TTC28: variants seen among roughly 807,000 people sequenced by gnomAD.
TTC28 encodes tetratricopeptide repeat protein 28.
Under a neutral mutation model 198.0 loss-of-function variants are expected in TTC28, and 61 were observed. That is an observed-to-expected ratio of 0.31 (90% CI 0.25 to 0.38). The LOEUF is 0.38. TTC28 is among the 10% of genes least tolerant of loss of function. The probability of loss-of-function intolerance (pLI) is 1.00; values close to 1 mark genes in which losing one functional copy is unlikely to be tolerated. For synonymous variants in TTC28, 1,171 were observed against 1,297.8 expected (o/e 0.90, Z 2.10); for missense variants, 2,678 against 3,164.0 (o/e 0.85, Z 3.69).
intron 2 of TTC28, among the ~76,000 whole-genome samples, chr22:28,464,988 T>G (rs1005798563): frequency 6.6e-6 from 1 of 152,224 alleles, no homozygotes; most frequent in Non-Finnish European, 1.5e-5. Flanking sequence ...ATGCTTTCCA[T>G]TTTTATAGAC....
chr22:28,464,006 T>C (rs1466403411), intron 2 of TTC28, among the ~76,000 whole-genome samples: 1 of 152,146 alleles, frequency 6.6e-6, no homozygotes, highest in African/African-American at 2.4e-5. Context: ...TTAATATACA[T>C]GATCTCACGA....
intron 13 of TTC28, among the ~76,000 whole-genome samples, chr22:28,014,841 G>A (rs1036088791): frequency 4.6e-5 from 7 of 152,186 alleles, no homozygotes; most frequent in Non-Finnish European, 1.0e-4. Flanking sequence ...CTTGGGCTCA[G>A]AGCAACTGCT....
At chr22:28,390,600 G>T (rs58528288) in intron 2 of TTC28, among the ~76,000 whole-genome samples, 1 of 152,158 alleles carries the variant, frequency 6.6e-6, no homozygotes, top group African/African-American at 2.4e-5. Flanking sequence ...TTATGTAATG[G>T]CCTTCTTTGT....
At chr22:28,367,357 T>C (rs933673386) in intron 2 of TTC28, among the ~76,000 whole-genome samples, 4 of 151,804 alleles carry the variant, frequency 2.6e-5, no homozygotes, top group African/African-American at 9.7e-5. Flanking sequence ...AATGAAGAAA[T>C]GAAGAAGGAA....
chr22:28,437,630 T>A (rs1251429303), intron 2 of TTC28, among the ~76,000 whole-genome samples: 1 of 152,072 alleles, frequency 6.6e-6, no homozygotes, highest in African/African-American at 2.4e-5. Context: ...TATTGCTCTG[T>A]CACTCAGGCT....
At chr22:28,377,200 TAA>T (rs377093229) in intron 2 of TTC28, among the ~76,000 whole-genome samples, 22 of 107,840 alleles carry the variant, frequency 2.0e-4, no homozygotes, top group Non-Finnish European at 2.8e-4. Flanking sequence ...TATTGTAAAG[TAA>T]AAAAAAAAAA....
chr22:28,352,722 G>A (rs1307747583), intron 2 of TTC28, among the ~76,000 whole-genome samples: 2 of 152,148 alleles, frequency 1.3e-5, no homozygotes, highest in Non-Finnish European at 2.9e-5. Context: ...ACCAAGGTCT[G>A]CCCATGAAAT....
intron 6 of TTC28, among the ~76,000 whole-genome samples, chr22:28,157,926 C>T (rs888291276): frequency 1.4e-4 from 21 of 151,878 alleles, no homozygotes; most frequent in Admixed American, 9.2e-4. Flanking sequence ...AGCAGTCAGA[C>T]AACAGAAAGA....
intron 5 of TTC28, among the ~76,000 whole-genome samples, chr22:28,167,920 C>A (rs952880716): frequency 6.6e-6 from 1 of 152,300 alleles, no homozygotes; most frequent in Non-Finnish European, 1.5e-5. Context: ...ATCTAGAAAA[C>A]CCCATCATCT....
intron 14 of TTC28, among the ~76,000 whole-genome samples, chr22:28,011,225 C>T (rs556152299): frequency 6.6e-6 from 1 of 152,332 alleles, no homozygotes; most frequent in Non-Finnish European, 1.5e-5. Context: ...CATGTCACTT[C>T]ATTCACATGG....
At chr22:28,355,743 C>G (rs2046067555) in intron 2 of TTC28, among the ~76,000 whole-genome samples, 1 of 152,196 alleles carries the variant, frequency 6.6e-6, no homozygotes, top group African/African-American at 2.4e-5. Flanking sequence ...ACAGCTGCCC[C>G]CAGCATGTTG....
intron 2 of TTC28, among the ~76,000 whole-genome samples, chr22:28,312,620 A>C (rs934414592): frequency 6.6e-6 from 1 of 152,244 alleles, no homozygotes; most frequent in Non-Finnish European, 1.5e-5. Flanking sequence ...TACTGGGTAC[A>C]TAACAAAATG....
chr22:28,179,710 G>A (rs1923525009), intron 5 of TTC28, among the ~76,000 whole-genome samples: 1 of 152,166 alleles, frequency 6.6e-6, no homozygotes, highest in Admixed American at 6.5e-5. Flanking sequence ...ATCCCTGGCT[G>A]ATCTGTAATG....
chr22:28,660,318 A>G (rs2051722097), intron 1 of TTC28, among the ~76,000 whole-genome samples: 1 of 152,082 alleles, frequency 6.6e-6, no homozygotes, highest in Non-Finnish European at 1.5e-5. Context: ...TCAGCACAGT[A>G]AGAAAAGGAA....
rs1303235962 is a variant in TTC28 at position 28,222,735 on chromosome 22, T to C, written c.934-59136A>G. ...AATTCTCTTCTATGGTGAAAGATTT[T>C]AAGTTGAAATGAATCTTTCAAATCC... On this transcript the variant is annotated intron_variant, in intron 5 of 22. Transcript: ENST00000397906. Among the ~76,000 whole-genome samples, 4 of 152,218 alleles carry C rather than the reference T, an allele frequency of 2.6e-5. No homozygotes were observed. In the South Asian group the frequency reaches 8.3e-4, roughly 31 times the overall value.
chr22:28,191,201 T>C (rs1315086892), intron 5 of TTC28, among the ~76,000 whole-genome samples: 1 of 152,244 alleles, frequency 6.6e-6, no homozygotes, highest in Non-Finnish European at 1.5e-5. Flanking sequence ...AATGCAGGTT[T>C]ACTTGATTCA....
intron 5 of TTC28, among the ~76,000 whole-genome samples, chr22:28,226,043 T>C (rs980723181): frequency 2.0e-5 from 3 of 152,264 alleles, no homozygotes; most frequent in Non-Finnish European, 2.9e-5. Flanking sequence ...ATTCACCTGC[T>C]AGTGGATATT....
At chr22:28,345,253 T>A (rs1348209180) in intron 2 of TTC28, among the ~76,000 whole-genome samples, 1 of 152,188 alleles carries the variant, frequency 6.6e-6, no homozygotes, top group Non-Finnish European at 1.5e-5. Flanking sequence ...TATGTCATAC[T>A]ACAGCCAATA....
At chr22:28,194,234 T>G (rs1438305684) in intron 5 of TTC28, among the ~76,000 whole-genome samples, 1 of 152,082 alleles carries the variant, frequency 6.6e-6, no homozygotes, top group African/African-American at 2.4e-5. Flanking sequence ...TTGAAACCAA[T>G]GAGAACAAAG....
Sources: gnomAD v4.1 joint callset for allele counts (sites outside exome capture counted in the v4.1 genomes callset) on GRCh38, gnomAD v4.1.1 for gene constraint, MANE v1.5 for transcripts, NCBI Gene and HGNC (gene_info 2026-07-23, HGNC 2026-07-21) for gene names.